SIK3: variants seen among roughly 807,000 people sequenced by gnomAD.
SIK3 encodes the protein serine/threonine-protein kinase SIK3.
SIK3 carries 28 observed loss-of-function variants against 144.2 expected under a neutral mutation model. The ratio of observed to expected loss-of-function variants is 0.19; its 90% confidence interval spans 0.14 to 0.27. The LOEUF (loss-of-function observed/expected upper bound fraction) is 0.27, where lower values mean the gene tolerates loss of function less well. Ranked by LOEUF, SIK3 falls within the 10% of genes least tolerant of loss-of-function variation. The pLI, the probability that SIK3 is intolerant of heterozygous loss-of-function variation, is 1.00. For synonymous variants in SIK3, 686 were observed against 676.3 expected, an observed-to-expected ratio of 1.01 and a Z score of -0.22; for missense variants, 1,319 against 1,776.0, an observed-to-expected ratio of 0.74 and a Z score of 4.62.
chr11:116,896,204 T>A, intron 6 of SIK3, 49 bp downstream of exon 6: 1 of 1,603,180 alleles, frequency 6.2e-7, no homozygotes, highest in Admixed American at 1.7e-5. Context: ...ACTGAGTGGG[T>A]CTAACTTTCA....
intron 1 of SIK3, among the ~76,000 whole-genome samples, chr11:117,045,792 T>C (rs570292710): frequency 2.6e-5 from 4 of 152,352 alleles, no homozygotes; most frequent in African/African-American, 4.8e-5. Context: ...CTCCATTATT[T>C]TGGCATCTGT....
At chr11:117,022,278 CAAATCTCATT>C (rs142310263) in intron 1 of SIK3, among the ~76,000 whole-genome samples, 10,966 of 152,000 alleles carry the variant, frequency 0.072, 477 homozygotes, top group Middle Eastern at 0.11. Flanking sequence ...AATAATTCAT[CAAATCTCATT>C]AAACTGTATA....
At chr11:116,997,507 G>A (rs1565539854) in intron 1 of SIK3, among the ~76,000 whole-genome samples, 1 of 152,124 alleles carries the variant, frequency 6.6e-6, no homozygotes. Context: ...AGTACTTACT[G>A]ACTTAAAAAT....
rs1448754027 is a variant in SIK3 at position 116,867,551 on chromosome 11, T to C, written c.1952+395A>G. 6.1e-6 allele frequency: 1 copy of C among 163,308 alleles called. No homozygotes were observed. The highest frequency in any genetic ancestry group is 1.3e-5 in the Non-Finnish European group (1 of 75,592). 10.1% of individuals were successfully genotyped at this position (163,308 alleles called of 1,614,324 possible). ...ATGGTAACACGATATGAAATGCTCA[T>C]TCTTTTGAAGGTGATGGATTATTAA... is the stretch of plus-strand genomic sequence containing the variant. On this transcript the variant is annotated intron_variant, in intron 15 of 24. Coordinates refer to ENST00000445177, the MANE Select transcript of SIK3 (RefSeq NM_001366686.3). This position sits in a 1 kb window ranked among gnomAD's most constrained non-coding sequence, Gnocchi z 4.1.
chr11:117,018,720 A>AT (rs58490007), intron 1 of SIK3, among the ~76,000 whole-genome samples: 63 of 148,378 alleles, frequency 4.2e-4, no homozygotes, highest in South Asian at 2.1e-3. Flanking sequence ...TATTTTATTT[A>AT]TTTTTTTTTT....
chr11:116,994,495 G>A (rs1478391815), intron 1 of SIK3, among the ~76,000 whole-genome samples: 4 of 152,022 alleles, frequency 2.6e-5, no homozygotes, highest in Non-Finnish European at 4.4e-5. Flanking sequence ...CACTTGTTAC[G>A]GTGAGGATTA....
Position 117,031,128 on chromosome 11 carries a change from T to C in SIK3, c.273+67015A>G, listed in dbSNP as rs1452133295. ...GCCTTTTCAGCCTTTTAACATGGTC[T>C]TTAGCAGACCAAAATGTTTTAGTTC... is the stretch of plus-strand genomic sequence containing the variant. On this transcript the variant is annotated intron_variant, in intron 1 of 24. Coordinates refer to ENST00000445177, the MANE Select transcript of SIK3 (RefSeq NM_001366686.3). 3.3e-5 allele frequency among the ~76,000 whole-genome samples: 5 copies of C among 152,346 alleles called. No homozygotes were observed. The East Asian group carries it at 9.6e-4, about 29-fold the overall frequency.
intron 1 of SIK3, among the ~76,000 whole-genome samples, chr11:117,023,621 A>ATATATATATAT (rs1555131640): frequency 1.2e-3 from 118 of 95,354 alleles, no homozygotes; most frequent in African/African-American, 4.7e-3. Flanking sequence ...AAAAAAAAAA[A>ATATATATATAT]ATATATATAT....
chr11:116,993,999 T>C (rs1280531673), intron 1 of SIK3, among the ~76,000 whole-genome samples: 1 of 152,214 alleles, frequency 6.6e-6, no homozygotes, highest in African/African-American at 2.4e-5. Flanking sequence ...TTTGTTGGCT[T>C]AGCATTTAAA....
intron 1 of SIK3, among the ~76,000 whole-genome samples, chr11:117,005,336 G>GA (rs35279676): frequency 0.24 from 13,160 of 55,982 alleles, 2,311 homozygotes; most frequent in African/African-American, 0.44. Flanking sequence ...CCCCGTCTCA[G>GA]AAAAAAAAAA....
At chr11:117,023,083 T>G (rs1951843060) in intron 1 of SIK3, among the ~76,000 whole-genome samples, 1 of 152,170 alleles carries the variant, frequency 6.6e-6, no homozygotes, top group South Asian at 2.1e-4. Flanking sequence ...AGATAACTAG[T>G]GTGGGCTAAA....
intron 6 of SIK3, among the ~76,000 whole-genome samples, chr11:116,879,202 T>C (rs1036786068): frequency 1.3e-5 from 2 of 152,220 alleles, no homozygotes; most frequent in African/African-American, 2.4e-5. Context: ...TAAAATTTTC[T>C]ATAGGTTTTT....
Position 117,072,928 on chromosome 11 carries a change from TTA to T in SIK3, c.273+25213_273+25214del, listed in dbSNP as rs561953237. On this transcript the variant is annotated intron_variant, in intron 1 of 24. Coordinates refer to ENST00000445177, the MANE Select transcript of SIK3 (RefSeq NM_001366686.3). ...AGTAAAGTCTAGTTGGACCTAGCAT[TTA>T]TAAGCCCAAATTTGCTAAGTCAAGG... 7.9e-5 allele frequency among the ~76,000 whole-genome samples: 12 copies of T among 152,282 alleles called. No homozygotes were observed. The South Asian group carries it at 2.5e-3, about 32-fold the overall frequency.
Position 116,857,985 on chromosome 11 carries a change from C to T in SIK3, c.3480G>A (p.Lys1160=). 1 of 1,614,198 alleles carries T rather than the reference C, an allele frequency of 6.2e-7. No individual in the cohort carries two copies. The highest frequency in any genetic ancestry group is 8.5e-7 in the Non-Finnish European group (1 of 1,180,034). Residue 1160 remains lysine, a synonymous_variant, in exon 21 of 25, where the codon AAG becomes AAA. Coordinates refer to ENST00000445177, the MANE Select transcript of SIK3 (RefSeq NM_001366686.3). ...EGAKDGFQDS[K]SSSTLTKGCH... ...AACCTTTGGTCAATGTACTTGAACT[C>T]TTACTGTCTTGGAAGCCATCCTTGG...
intron 3 of SIK3, among the ~76,000 whole-genome samples, chr11:116,937,285 A>T (rs2135227332): frequency 6.6e-6 from 1 of 152,376 alleles, no homozygotes. Context: ...AAAAGGAATA[A>T]TGTTAAATAA....
At chr11:117,013,899 AGG>A (rs71037440) in intron 1 of SIK3, among the ~76,000 whole-genome samples, 1,311 of 26,646 alleles carry the variant, frequency 0.049, 123 homozygotes, top group Admixed American at 0.067. Flanking sequence ...CCAGATTCTG[AGG>A]GGGGGGGGGG....
At chr11:117,086,534 C>T (rs1955014070) in intron 1 of SIK3, among the ~76,000 whole-genome samples, 1 of 151,440 alleles carries the variant, frequency 6.6e-6, no homozygotes, top group Non-Finnish European at 1.5e-5. Flanking sequence ...ACTAAAAATA[C>T]AAAAAAATTA....
chr11:116,858,488 A>G lies in SIK3; in HGVS notation c.2977T>C (p.Ser993Pro). Residue 993 changes from serine to proline, a missense_variant, in exon 21 of 25, where the codon TCG (serine) becomes CCG (proline). Ser to Pro is a moderately conservative substitution (Grantham distance 74). Transcript: ENST00000445177. The surrounding 1 kb of genome is among the most constrained non-coding windows in gnomAD (Gnocchi z 5.4). Reference sequence around the variant, plus strand: ...GACAGCAGGGCCTGCTGTAGTGCCGACGTGGTATAGTGTGGCGGCTGCTGA... The same window carrying G: ...GACAGCAGGGCCTGCTGTAGTGCCGGCGTGGTATAGTGTGGCGGCTGCTGA... ...AHQQPPHYTT[S>P]ALQQALLSPT... The G allele has an allele frequency of 6.2e-7, 1 of 1,608,722 alleles. No homozygotes were observed. Among genetic ancestry groups the G allele is most frequent in the Non-Finnish European group, 8.5e-7 (1 of 1,176,930 alleles).
chr11:116,863,541 CTTT>C, intron 16 of SIK3, 124 bp downstream of exon 16: 2 of 1,403,982 alleles, frequency 1.4e-6, no homozygotes, highest in Non-Finnish European at 2.0e-6. Flanking sequence ...GAAAGCTATA[CTTT>C]TTTAACCTAT....
Sources: gnomAD v4.1 joint callset for allele counts (sites outside exome capture counted in the v4.1 genomes callset) on GRCh38, gnomAD v4.1.1 for gene constraint, Gnocchi (gnomAD v3.1) non-coding constraint, MANE v1.5 for transcripts, NCBI Gene and HGNC (gene_info 2026-07-23, HGNC 2026-07-21) for gene names.